The following DMXL1 variants were observed in gnomAD, a reference collection of about 807,000 sequenced individuals.
DMXL1 encodes dmX-like protein 1.
Under a neutral mutation model 319.2 loss-of-function variants are expected in DMXL1, and 99 were observed. That is an observed-to-expected ratio of 0.31 (90% CI 0.26 to 0.37). The LOEUF (loss-of-function observed/expected upper bound fraction) is 0.37, where lower values mean the gene tolerates loss of function less well. Among genes scored for constraint, DMXL1 ranks in the 10% least tolerant of loss-of-function variants. The pLI is 1.00. For missense variants in DMXL1, 3,745 were observed against 3,595.6 expected (o/e 1.04, Z -1.06); for synonymous variants, 1,385 against 1,235.2 (o/e 1.12, Z -2.54).
chr5:119,211,389 T>G (rs769855147), intron 34 of DMXL1, among the ~76,000 whole-genome samples: 2 of 152,196 alleles, frequency 1.3e-5, no homozygotes, highest in Non-Finnish European at 2.9e-5. Flanking sequence ...ATTTAATTTC[T>G]TTAACAGATG....
chr5:119,136,774 G>C (rs1766087432), intron 13 of DMXL1, among the ~76,000 whole-genome samples: 2 of 152,290 alleles, frequency 1.3e-5, no homozygotes, highest in African/African-American at 4.8e-5. Flanking sequence ...GTATGCAGAA[G>C]ATGAGAGTTG....
At chr5:119,109,398 C>A (rs1029180092) in intron 4 of DMXL1, among the ~76,000 whole-genome samples, 2 of 152,138 alleles carry the variant, frequency 1.3e-5, no homozygotes, top group Non-Finnish European at 2.9e-5. Context: ...TTCTGAAATA[C>A]AGATCCAATT....
At chr5:119,144,321 T>C (rs1383686569) in intron 14 of DMXL1, among the ~76,000 whole-genome samples, 1 of 151,850 alleles carries the variant, frequency 6.6e-6, no homozygotes, top group Non-Finnish European at 1.5e-5. Flanking sequence ...TTCTTACTTA[T>C]AAAGACTCAT....
chr5:119,234,618 A>G (rs1787386872), intron 39 of DMXL1, among the ~76,000 whole-genome samples: 1 of 152,182 alleles, frequency 6.6e-6, no homozygotes, highest in Non-Finnish European at 1.5e-5. Flanking sequence ...TTAGTGGGAA[A>G]TTAAGGGAAC....
chr5:119,182,726 T>A (rs1038981051), intron 28 of DMXL1, among the ~76,000 whole-genome samples: 3 of 151,810 alleles, frequency 2.0e-5, no homozygotes, highest in African/African-American at 7.2e-5. Flanking sequence ...CTTAATCAAA[T>A]TTTTTTTGGT....
intron 13 of DMXL1, 77 bp from the exon 14 acceptor site, chr5:119,143,764 A>T: frequency 1.1e-6 from 1 of 932,240 alleles, no homozygotes; most frequent in Non-Finnish European, 1.6e-6. Flanking sequence ...TTTATCTGTT[A>T]TGCTTGAAAT....
intron 9 of DMXL1, 57 bp downstream of exon 9, chr5:119,121,196 A>G: frequency 1.4e-6 from 2 of 1,386,236 alleles, no homozygotes; most frequent in South Asian, 3.2e-5. Flanking sequence ...ATTTTATAAC[A>G]ACTAAGTTAT....
chr5:119,160,906 A>G lies in DMXL1; in HGVS notation c.4703-3601A>G, dbSNP rs543594823. 3.9e-5 allele frequency among the ~76,000 whole-genome samples: 6 copies of G among 152,304 alleles called. No homozygotes were observed. In the South Asian group the frequency reaches 1.2e-3, roughly 32 times the overall value. On this transcript the variant is annotated intron_variant, in intron 19 of 43. Coordinates refer to ENST00000539542, the MANE Select transcript of DMXL1 (RefSeq NM_001290321.3). The stretch of plus-strand genomic sequence containing the variant: ...AATTTATTTTAATTTTCCTCTATAT[A>G]TTCAGGTAGTTCACTGAACTTTTTA...
At chr5:119,113,029 A>T (rs1341840836) in intron 5 of DMXL1, among the ~76,000 whole-genome samples, 2 of 152,184 alleles carry the variant, frequency 1.3e-5, no homozygotes, top group Non-Finnish European at 2.9e-5. Flanking sequence ...ATGTTCTAAA[A>T]ATGTGTGTAC....
At chr5:119,115,467 T>C (rs1760637067) in intron 6 of DMXL1, among the ~76,000 whole-genome samples, 1 of 152,346 alleles carries the variant, frequency 6.6e-6, no homozygotes, top group East Asian at 1.9e-4. Flanking sequence ...AGTCAAATTA[T>C]TGTTCTCATG....
At chr5:119,226,206 C>T (rs1034288187) in intron 38 of DMXL1, among the ~76,000 whole-genome samples, 1 of 152,076 alleles carries the variant, frequency 6.6e-6, no homozygotes, top group Non-Finnish European at 1.5e-5. Context: ...AGAGAACTGC[C>T]AAAACTAGCA....
chr5:119,122,213 G>A (rs1437805902), intron 9 of DMXL1, among the ~76,000 whole-genome samples: 4 of 141,256 alleles, frequency 2.8e-5, no homozygotes, highest in African/African-American at 7.9e-5. Flanking sequence ...AGGGGCGGCC[G>A]GGCAGAGGCG....
At chr5:119,084,659 T>TTCGA (rs932644496) in intron 1 of DMXL1, among the ~76,000 whole-genome samples, 6 of 151,784 alleles carry the variant, frequency 4.0e-5, no homozygotes, top group African/African-American at 1.4e-4. Context: ...AGGCTGTGAG[T>TTCGA]TCGAGACCAG....
intron 40 of DMXL1, among the ~76,000 whole-genome samples, chr5:119,238,473 T>C (rs2150723848): frequency 6.6e-6 from 1 of 152,290 alleles, no homozygotes; most frequent in East Asian, 1.9e-4. Flanking sequence ...CTATTAGTAA[T>C]TTTTTTCATG....
At chr5:119,220,256 C>T (rs964533060) in intron 35 of DMXL1, among the ~76,000 whole-genome samples, 4 of 152,052 alleles carry the variant, frequency 2.6e-5, no homozygotes, top group Non-Finnish European at 2.9e-5. Context: ...CATGTATTGC[C>T]ATTTATACTG....
intron 26 of DMXL1, among the ~76,000 whole-genome samples, chr5:119,175,992 T>A (rs944996560): frequency 3.3e-5 from 5 of 152,102 alleles, no homozygotes; most frequent in African/African-American, 4.8e-5. Flanking sequence ...AACTTCTGGG[T>A]CATTTCTTAA....
chr5:119,185,490 A>T (rs1225409174), intron 28 of DMXL1, among the ~76,000 whole-genome samples: 2 of 151,980 alleles, frequency 1.3e-5, no homozygotes, highest in Admixed American at 6.6e-5. Flanking sequence ...ATCATCTTCC[A>T]GACTTTTTTT....
At chr5:119,166,360 T>G (rs1401094299) in intron 21 of DMXL1, among the ~76,000 whole-genome samples, 2 of 152,230 alleles carry the variant, frequency 1.3e-5, no homozygotes, top group African/African-American at 4.8e-5. Context: ...TGCATGGATT[T>G]AAAAGTAATT....
Position 119,144,620 on chromosome 5 carries a change from A to T in DMXL1, c.2551A>T (p.Ser851Cys), listed in dbSNP as rs1768120282. Residue 851 changes from serine (S) to cysteine (C), a missense_variant, in exon 15 of 44, where the codon AGC becomes TGC. This residue lies in a region of DMXL1 where 2,096 missense variants were observed against 1,985.4 expected (regional missense o/e 1.06). Transcript: ENST00000539542. ...NLEKKSLGKD[S>C]ILSNAGSSPN... ...TGAGAAGAAAAGCCTTGGCAAAGAC[A>T]GCATTTTATCTAATGCAGGTAAGGA... 5.6e-6 allele frequency: 9 copies of T among 1,597,848 alleles called. No individual in the cohort carries two copies. Among genetic ancestry groups the T allele is most frequent in the Non-Finnish European group, 7.7e-6 (9 of 1,173,132 alleles).
Sources: gnomAD v4.1 joint callset for allele counts (sites outside exome capture counted in the v4.1 genomes callset) on GRCh38, gnomAD v4.1.1 for gene constraint, gnomAD v4.1.1 regional missense constraint, MANE v1.5 for transcripts, NCBI Gene and HGNC (gene_info 2026-07-23, HGNC 2026-07-21) for gene names.